PALD1: variants seen among roughly 807,000 people sequenced by gnomAD.
PALD1 encodes the protein phosphatase domain containing paladin 1.
In PALD1, 57 loss-of-function variants were observed where a neutral mutation model predicts 96.0. The observed-to-expected ratio is 0.59, with a 90% CI of 0.48 to 0.74. PALD1 has a LOEUF of 0.74. Among genes scored for constraint, PALD1 ranks in the 30% least tolerant of loss-of-function variants. The probability of loss-of-function intolerance (pLI) is 0.00; values close to 1 mark genes in which losing one functional copy is unlikely to be tolerated. For synonymous variants in PALD1, 464 were observed against 473.6 expected (o/e 0.98, Z 0.26); for missense variants, 1,063 against 1,143.7 (o/e 0.93, Z 1.02).
rs1381017443 is a variant in PALD1 at position 70,540,722 on chromosome 10, C to T, written c.1909-380C>T. 6.6e-6 allele frequency among the ~76,000 whole-genome samples: 1 copy of T among 152,114 alleles called. No homozygotes were observed. The highest frequency in any genetic ancestry group is 1.5e-5 in the Non-Finnish European group (1 of 68,004). Reference sequence around the variant, plus strand: ...GTCAGGCCCCCGTCCATGGTGGGACCAGGGCTGGGTCCAGCTCAGGTGGGT... The same window carrying T: ...GTCAGGCCCCCGTCCATGGTGGGACTAGGGCTGGGTCCAGCTCAGGTGGGT... On this transcript the variant is annotated intron_variant, in intron 15 of 19. Transcript: ENST00000263563. This position sits in a 1 kb window ranked among gnomAD's most constrained non-coding sequence, Gnocchi z 4.2.
At chr10:70,494,465 G>T (rs1253843347) in intron 1 of PALD1, among the ~76,000 whole-genome samples, 2 of 152,192 alleles carry the variant, frequency 1.3e-5, no homozygotes, top group African/African-American at 4.8e-5. Context: ...AAGGTGGACT[G>T]GAACCTGGTC....
At chr10:70,488,190 C>T (rs1464588602) in intron 1 of PALD1, among the ~76,000 whole-genome samples, 1 of 151,660 alleles carries the variant, frequency 6.6e-6, no homozygotes, top group Non-Finnish European at 1.5e-5. Flanking sequence ...GGCTCAGGGT[C>T]GACTCACTGC....
chr10:70,483,836 TC>T (rs1378204345), intron 1 of PALD1, among the ~76,000 whole-genome samples: 1 of 152,188 alleles, frequency 6.6e-6, no homozygotes, highest in African/African-American at 2.4e-5. Context: ...CATGGATGTG[TC>T]CCCGGCTTTT....
intron 1 of PALD1, among the ~76,000 whole-genome samples, chr10:70,499,485 G>A (rs1846254918): frequency 1.3e-5 from 2 of 152,216 alleles, no homozygotes; most frequent in Admixed American, 6.5e-5. Context: ...GGGGCGGCTT[G>A]GCCTGGGGTG....
chr10:70,541,738 C>T (rs543177049), intron 17 of PALD1, among the ~76,000 whole-genome samples: 18 of 152,316 alleles, frequency 1.2e-4, no homozygotes, highest in South Asian at 1.0e-3. Context: ...GGCAGACGGC[C>T]GGCTATGGAG....
intron 18 of PALD1, among the ~76,000 whole-genome samples, chr10:70,549,523 G>C (rs1847436806): frequency 6.6e-6 from 1 of 152,258 alleles, no homozygotes; most frequent in Admixed American, 6.5e-5. Flanking sequence ...GCCGTGGGGA[G>C]ACAGGAGGGC....
At chr10:70,532,961 G>T in intron 6 of PALD1, 34 bp from the exon 7 acceptor site, 1 of 1,554,990 alleles carries the variant, frequency 6.4e-7, no homozygotes, top group Non-Finnish European at 8.7e-7. Flanking sequence ...CAGAGTGGGT[G>T]CCTGCCTGAT....
upstream of PALD1, among the ~76,000 whole-genome samples, chr10:70,477,798 C>T (rs531024839): frequency 6.6e-6 from 1 of 152,328 alleles, no homozygotes; most frequent in East Asian, 1.9e-4. Flanking sequence ...AGCTCCAGTC[C>T]TGAATGGGGG....
In PALD1 at chr10:70,541,292, G is replaced by A. The variant is rs552234646; in HGVS notation, c.2049+50G>A. The A allele has an allele frequency of 5.1e-6, 8 of 1,573,296 alleles. No individual in the cohort carries two copies. The South Asian group carries it at 9.5e-5, about 19-fold the overall frequency. On this transcript the variant is annotated intron_variant, in intron 16 of 19. Transcript: ENST00000263563. ...TTAGAGATTTGCCTGGAGGAGGGTA[G>A]ACACTCAGGTCCCAGGCACACTGGC... is the stretch of plus-strand genomic sequence containing the variant.
At chr10:70,545,598 C>CT (rs1847346016) in intron 17 of PALD1, among the ~76,000 whole-genome samples, 2 of 151,846 alleles carry the variant, frequency 1.3e-5, no homozygotes, top group African/African-American at 4.8e-5. Flanking sequence ...CATTTTTTTT[C>CT]TTTTTTCTTT....
intron 1 of PALD1, among the ~76,000 whole-genome samples, chr10:70,492,606 G>T (rs1388077993): frequency 6.6e-6 from 1 of 151,860 alleles, no homozygotes; most frequent in Non-Finnish European, 1.5e-5. Flanking sequence ...ACAGGTACCT[G>T]CCACCACGCC....
chr10:70,528,300 G>A (rs1381692054), intron 2 of PALD1, among the ~76,000 whole-genome samples: 1 of 152,190 alleles, frequency 6.6e-6, no homozygotes, highest in African/African-American at 2.4e-5. Flanking sequence ...ACCTGGTTTA[G>A]CATCTACAGA....
chr10:70,519,898 AGTTTT>A (rs1043122719), intron 1 of PALD1, among the ~76,000 whole-genome samples: 2 of 152,066 alleles, frequency 1.3e-5, no homozygotes, highest in Non-Finnish European at 2.9e-5. Context: ...TTAACATATG[AGTTTT>A]TAGGGGCAAA....
intron 18 of PALD1, among the ~76,000 whole-genome samples, chr10:70,553,082 G>A (rs1337548420): frequency 6.6e-6 from 1 of 152,164 alleles, no homozygotes; most frequent in Non-Finnish European, 1.5e-5. Context: ...GCTGCTGTTG[G>A]GGCTGGAAGA....
At chr10:70,564,776 G>A (rs1847811792) in intron 19 of PALD1, among the ~76,000 whole-genome samples, 1 of 152,228 alleles carries the variant, frequency 6.6e-6, no homozygotes, top group East Asian at 1.9e-4. Context: ...GAGGAGGGAG[G>A]GGACAGAGTG....
intron 18 of PALD1, among the ~76,000 whole-genome samples, chr10:70,554,915 TCCTCC>T (rs1847563164): frequency 1.8e-4 from 2 of 10,960 alleles, no homozygotes; most frequent in Non-Finnish European, 3.3e-4. Context: ...CCCTCCCCTC[TCCTCC>T]CCTCCCCCTC....
intron 1 of PALD1, among the ~76,000 whole-genome samples, chr10:70,512,377 TC>T (rs1846531091): frequency 6.6e-6 from 1 of 152,234 alleles, no homozygotes; most frequent in African/African-American, 2.4e-5. Flanking sequence ...CAGAGAGATT[TC>T]CCAATGGGGA....
Position 70,538,900 on chromosome 10 carries a change from C to G in PALD1, c.1461C>G (p.Asp487Glu). 1 of 1,613,094 alleles carries G rather than the reference C, an allele frequency of 6.2e-7. No homozygotes were observed. The highest frequency in any genetic ancestry group is 8.5e-7 in the Non-Finnish European group (1 of 1,179,618). The change falls in exon 13 of 20, where the codon GAC becomes GAG. Residue 487 changes from aspartate (D) to glutamate (E), a missense_variant. Transcript: ENST00000263563. ...DLIARGSLREDDLVSPDALST... is the reference protein window; with the variant it reads ...DLIARGSLREEDLVSPDALST... ...TGGTGCTCTCCCCACAGCGGGAGGACGATCTGGTCTCCCCGGACGCGCTCA... is the reference window on the plus strand; with the variant it reads ...TGGTGCTCTCCCCACAGCGGGAGGAGGATCTGGTCTCCCCGGACGCGCTCA...
At chr10:70,533,603 T>A (rs1012519171) in intron 7 of PALD1, among the ~76,000 whole-genome samples, 11 of 152,140 alleles carry the variant, frequency 7.2e-5, no homozygotes, top group Admixed American at 6.5e-4. Context: ...ATTTCCTGAG[T>A]CCTGGCGGAG....
Sources: gnomAD v4.1 joint callset for allele counts (sites outside exome capture counted in the v4.1 genomes callset) on GRCh38, gnomAD v4.1.1 for gene constraint, Gnocchi (gnomAD v3.1) non-coding constraint, MANE v1.5 for transcripts, NCBI Gene and HGNC (gene_info 2026-07-23, HGNC 2026-07-21) for gene names.